MICU3: variants seen among roughly 807,000 people sequenced by gnomAD.
MICU3 encodes the protein mitochondrial calcium uptake 3, also known as calcium uptake protein 3, mitochondrial.
Under a neutral mutation model 66.5 loss-of-function variants are expected in MICU3, and 62 were observed. That is an observed-to-expected ratio of 0.93 (90% CI 0.76 to 1.15). The LOEUF is 1.15. Among genes scored for constraint, MICU3 ranks in the 50% most tolerant of loss-of-function variants. The pLI, the probability that MICU3 is intolerant of heterozygous loss-of-function variation, is 0.00. For synonymous variants in MICU3, 308 were observed against 240.7 expected (o/e 1.28, Z -2.59); for missense variants, 779 against 664.4 (o/e 1.17, Z -1.90).
intron 1 of MICU3, 32 bp downstream of exon 1, chr8:17,027,692 G>A (rs1811247123): frequency 3.2e-6 from 4 of 1,267,072 alleles, no homozygotes; most frequent in Non-Finnish European, 4.0e-6. Context: ...ACACCTGCGC[G>A]GGGGATGTGA....
At chr8:17,092,834 T>G (rs1800217814) in intron 8 of MICU3, among the ~76,000 whole-genome samples, 2 of 152,068 alleles carry the variant, frequency 1.3e-5, no homozygotes, top group African/African-American at 4.8e-5. Context: ...TATCTGCTAG[T>G]TTCCAGAGTT....
chr8:17,057,402 G>A (rs1056676381), intron 1 of MICU3, among the ~76,000 whole-genome samples: 2 of 152,122 alleles, frequency 1.3e-5, no homozygotes, highest in African/African-American at 4.8e-5. Context: ...AGAGTATGTG[G>A]TTACCTCCAA....
Position 17,087,015 on chromosome 8 carries a change from G to C in MICU3, c.829G>C (p.Glu277Gln), listed in dbSNP as rs752287110. The C allele has an allele frequency of 3.1e-6, 5 of 1,607,002 alleles. No individual in the cohort carries two copies. The East Asian group carries it at 9.0e-5, about 29-fold the overall frequency. ...TGAAAAGAGAGAAATTAAAGGAGAT[G>C]AAGAAAAGCGTGCAATGCTGGTAAG... Reference protein sequence around the residue: ...KNEKREIKGDEEKRAMLRLQL... With the variant: ...KNEKREIKGDQEKRAMLRLQL... The change falls in exon 7 of 15, where the codon GAA (glutamate) becomes CAA (glutamine). Residue 277 changes from glutamate to glutamine, a missense_variant. By Grantham distance (29) the Glu-to-Gln change is conservative. Transcript: ENST00000318063.
At chr8:17,068,313 C>G (rs1226098466) in intron 2 of MICU3, among the ~76,000 whole-genome samples, 3 of 152,052 alleles carry the variant, frequency 2.0e-5, no homozygotes, top group Admixed American at 2.0e-4. Context: ...ATGAATATGT[C>G]TTTTGTGAAT....
At chr8:17,060,925 A>G (rs1038007810) in intron 1 of MICU3, among the ~76,000 whole-genome samples, 3 of 152,036 alleles carry the variant, frequency 2.0e-5, no homozygotes, top group South Asian at 2.1e-4. Flanking sequence ...CCCACTTAAT[A>G]TTATTGCTAA....
At chr8:17,084,396 G>A (rs924578332) in intron 5 of MICU3, among the ~76,000 whole-genome samples, 3 of 152,044 alleles carry the variant, frequency 2.0e-5, no homozygotes, top group Admixed American at 6.6e-5. Context: ...AAGAAAGTAG[G>A]ACACTATCTG....
At chr8:17,096,261 G>C (rs1381402665) in intron 8 of MICU3, among the ~76,000 whole-genome samples, 2 of 151,848 alleles carry the variant, frequency 1.3e-5, no homozygotes, top group Admixed American at 1.3e-4. Flanking sequence ...TACTTAGCCT[G>C]TATGCATAGA....
intron 11 of MICU3, among the ~76,000 whole-genome samples, chr8:17,110,692 G>A (rs919601027): frequency 2.6e-5 from 4 of 151,906 alleles, no homozygotes; most frequent in Non-Finnish European, 5.9e-5. Context: ...GCCTCCCAGG[G>A]AGCTGGGACT....
chr8:17,065,147 A>G lies in MICU3; in HGVS notation c.535+910A>G, dbSNP rs146576285. ...GAAAGATCACTCACTAAAAATCAGT[A>G]TAACAAATAATCATTTGTTCGACCC... On this transcript the variant is annotated intron_variant, in intron 2 of 14. Transcript: ENST00000318063. Among the ~76,000 whole-genome samples, 4 of 152,326 alleles carry G rather than the reference A, an allele frequency of 2.6e-5. No individual in the cohort carries two copies. The East Asian group carries it at 5.8e-4, about 22-fold the overall frequency.
At chr8:17,078,772 G>A (rs3850758) in intron 4 of MICU3, among the ~76,000 whole-genome samples, 14,928 of 151,952 alleles carry the variant, frequency 0.098, 1,007 homozygotes, top group East Asian at 0.38. Flanking sequence ...CATAGAATCT[G>A]AAAGGAAGAG....
Position 17,116,562 on chromosome 8 carries a change from A to G in MICU3, c.1486A>G (p.Ile496Val), listed in dbSNP as rs1308596629. Reference protein sequence around the residue: ...KDDQLSYKEFIGIMKDRLHRG... With the variant: ...KDDQLSYKEFVGIMKDRLHRG... Reference sequence around the variant, plus strand: ...TGATCAATTAAGTTATAAAGAATTTATTGGAATTATGAAAGACAGACTCCA... The same window carrying G: ...TGATCAATTAAGTTATAAAGAATTTGTTGGAATTATGAAAGACAGACTCCA... Residue 496 changes from isoleucine to valine, a missense_variant, in exon 13 of 15, where the codon ATT (isoleucine) becomes GTT (valine). Physicochemically the swap from Ile to Val is conservative, Grantham distance 29. Coordinates refer to ENST00000318063, the MANE Select transcript of MICU3 (RefSeq NM_181723.3). 1.9e-6 allele frequency: 3 copies of G among 1,567,152 alleles called. No homozygotes were observed. The highest frequency in any genetic ancestry group is 1.2e-5 in the South Asian group (1 of 82,334).
intron 11 of MICU3, among the ~76,000 whole-genome samples, chr8:17,108,842 C>T (rs748108702): frequency 4.6e-5 from 7 of 152,128 alleles, no homozygotes; most frequent in African/African-American, 1.2e-4. Context: ...TACAGTGGCT[C>T]CTACACACAC....
downstream of MICU3, among the ~76,000 whole-genome samples, chr8:17,124,585 A>AT (rs146253127): frequency 3.1e-3 from 467 of 151,932 alleles, 1 homozygote; most frequent in African/African-American, 0.01. Context: ...TCAAGATTGT[A>AT]TTTAACCCTC....
chr8:17,062,349 C>G (rs1301653932), intron 1 of MICU3, among the ~76,000 whole-genome samples: 1 of 152,182 alleles, frequency 6.6e-6, no homozygotes, highest in East Asian at 1.9e-4. Flanking sequence ...AGCATTCTCT[C>G]TTTCCATATA....
Position 17,078,750 on chromosome 8 carries a change from C to T in MICU3, c.646+889C>T, listed in dbSNP as rs370449374. Among the ~76,000 whole-genome samples the T allele has an allele frequency of 2.6e-5, 4 of 151,932 alleles. No homozygotes were observed. The East Asian group carries it at 7.7e-4, about 29-fold the overall frequency. On this transcript the variant is annotated intron_variant, in intron 4 of 14. Coordinates refer to ENST00000318063, the MANE Select transcript of MICU3 (RefSeq NM_181723.3). ...TAGAATTAGAAAGTTCATATTGCTT[C>T]CACGTGGTTTACATAGAATCTGAAA...
chr8:17,075,692 T>C (rs1820282724), intron 3 of MICU3, among the ~76,000 whole-genome samples: 1 of 152,200 alleles, frequency 6.6e-6, no homozygotes, highest in South Asian at 2.1e-4. Flanking sequence ...AATAAGCTAC[T>C]TGGTGTCAGT....
intron 9 of MICU3, among the ~76,000 whole-genome samples, chr8:17,103,710 T>G (rs1269890180): frequency 2.0e-5 from 3 of 151,860 alleles, no homozygotes; most frequent in Non-Finnish European, 4.4e-5. Context: ...AAGAAAATAC[T>G]TAGAACTTAG....
At chr8:17,079,246 T>C (rs928975944) in intron 4 of MICU3, among the ~76,000 whole-genome samples, 8 of 152,280 alleles carry the variant, frequency 5.3e-5, no homozygotes, top group South Asian at 2.1e-4. Flanking sequence ...TAGCCGCATA[T>C]GGCTGTTGAG....
At chr8:17,090,616 A>G in intron 8 of MICU3, 32 bp downstream of exon 8, 1 of 1,508,050 alleles carries the variant, frequency 6.6e-7, no homozygotes, top group Non-Finnish European at 9.1e-7. Context: ...TTCTTTATGT[A>G]TATAGCCCTC....
Sources: gnomAD v4.1 joint callset for allele counts (sites outside exome capture counted in the v4.1 genomes callset) on GRCh38, gnomAD v4.1.1 for gene constraint, MANE v1.5 for transcripts, NCBI Gene and HGNC (gene_info 2026-07-23, HGNC 2026-07-21) for gene names.